Variants in EXOC6B observed in about 807,000 individuals in gnomAD.
The protein encoded by EXOC6B is exocyst complex component 6B.
In EXOC6B, 54 loss-of-function variants were observed where a neutral mutation model predicts 113.5. The observed-to-expected ratio is 0.48, with a 90% confidence interval of 0.38 to 0.60. The LOEUF (loss-of-function observed/expected upper bound fraction) is 0.60, where lower values mean the gene tolerates loss of function less well. Among genes scored for constraint, EXOC6B ranks in the 20% least tolerant of loss-of-function variants. EXOC6B has a pLI of 0.00. For synonymous variants in EXOC6B, 357 were observed against 339.0 expected, an observed-to-expected ratio of 1.05 and a Z score of -0.58; for missense variants, 797 against 977.5, an observed-to-expected ratio of 0.82 and a Z score of 2.46.
At chr2:72,400,075 A>G (rs1693037419) in intron 18 of EXOC6B, among the ~76,000 whole-genome samples, 1 of 152,146 alleles carries the variant, frequency 6.6e-6, no homozygotes, top group Non-Finnish European at 1.5e-5. Flanking sequence ...GTACTGGTAT[A>G]AAAATAGCCA....
At chr2:72,714,454 C>T (rs915475851) in intron 6 of EXOC6B, among the ~76,000 whole-genome samples, 3 of 152,130 alleles carry the variant, frequency 2.0e-5, no homozygotes, top group African/African-American at 7.2e-5. Context: ...CACTGGTATT[C>T]GCTTTCTGCT....
chr2:72,499,433 G>C (rs1055043119), intron 12 of EXOC6B, among the ~76,000 whole-genome samples: 1 of 151,588 alleles, frequency 6.6e-6, no homozygotes, highest in Non-Finnish European at 1.5e-5. Context: ...GTTTCACCAT[G>C]TTGGCCAGGC....
chr2:72,580,732 T>G (rs955774908), intron 6 of EXOC6B, among the ~76,000 whole-genome samples: 2 of 152,304 alleles, frequency 1.3e-5, no homozygotes, highest in South Asian at 2.1e-4. Flanking sequence ...CACTTCTTGC[T>G]GCCTGCCCTA....
rs573409449 is a variant in EXOC6B at position 72,682,455 on chromosome 2, CTTT to C, written c.669+35645_669+35647del. 3.0e-4 allele frequency among the ~76,000 whole-genome samples: 46 copies of C among 152,184 alleles called. 1 individual carries two copies. The highest frequency in any genetic ancestry group is 9.4e-4 in the African/African-American group (39 of 41,546). Reference sequence around the variant, plus strand: ...TTTATATTCTCTACCTCCTTTTCTTCTTTTTACCTTTTTTTAAATTCCCATCCC... The same window carrying C: ...TTTATATTCTCTACCTCCTTTTCTTCTTACCTTTTTTTAAATTCCCATCCC... On this transcript the variant is annotated intron_variant, in intron 6 of 21. Transcript: ENST00000272427.
intron 20 of EXOC6B, among the ~76,000 whole-genome samples, chr2:72,214,991 A>G (rs1300786574): frequency 6.6e-6 from 1 of 152,194 alleles, no homozygotes; most frequent in Non-Finnish European, 1.5e-5. Flanking sequence ...CTCTTTCACA[A>G]TGATCCATCT....
In EXOC6B at chr2:72,575,627, T is replaced by C. The variant is rs371088556; in HGVS notation, c.711A>G (p.Gln237=). Residue 237 remains glutamine (Q), a synonymous_variant, in exon 7 of 22, where the codon CAA becomes CAG. Transcript: ENST00000272427. The stretch of plus-strand genomic sequence containing the variant: ...ATTTCCTCTTGCTACCTATTCTGGG[T>C]TGTTGCAAGACGATGTTATCCAGGT... The part of the protein sequence containing the change: ...QRNLDNIVLQ[Q]PRIGSKRKSK... 8 of 1,606,572 alleles carry C rather than the reference T, an allele frequency of 5.0e-6. No homozygotes were observed. The highest frequency in any genetic ancestry group is 5.9e-6 in the Non-Finnish European group (7 of 1,177,174).
chr2:72,276,556 C>T lies in EXOC6B; in HGVS notation c.2196+58391G>A, dbSNP rs1008315225. ...TAGGACCAACTGACCCATTTTCCTA[C>T]TTAAAATCTCAAACTAGTGGCCTGA... On this transcript the variant is annotated intron_variant, in intron 20 of 21. Coordinates refer to ENST00000272427, the MANE Select transcript of EXOC6B (RefSeq NM_015189.3). Among the ~76,000 whole-genome samples, 15 of 152,286 alleles carry T rather than the reference C, an allele frequency of 9.8e-5. No homozygotes were observed. The East Asian group carries it at 2.7e-3, about 27-fold the overall frequency.
intron 1 of EXOC6B, among the ~76,000 whole-genome samples, chr2:72,747,325 G>A (rs901778847): frequency 6.6e-6 from 1 of 152,014 alleles, no homozygotes; most frequent in African/African-American, 2.4e-5. Context: ...GAGGATCCAA[G>A]AAAAGGTTTT....
At chr2:72,368,290 T>G (rs1035896318) in intron 19 of EXOC6B, among the ~76,000 whole-genome samples, 6 of 152,070 alleles carry the variant, frequency 3.9e-5, no homozygotes, top group Non-Finnish European at 8.8e-5. Context: ...CCTCGACACA[T>G]ACACACTCCC....
chr2:72,773,349 G>A (rs1404566996), intron 1 of EXOC6B, among the ~76,000 whole-genome samples: 1 of 150,694 alleles, frequency 6.6e-6, no homozygotes, highest in Non-Finnish European at 1.5e-5. Flanking sequence ...AGGTTGGTCA[G>A]GAACTCCTGG....
intron 6 of EXOC6B, among the ~76,000 whole-genome samples, chr2:72,608,615 T>C (rs1437049117): frequency 1.3e-5 from 2 of 152,154 alleles, no homozygotes; most frequent in African/African-American, 4.8e-5. Context: ...CTACTTTCCA[T>C]TCATGTTAGT....
chr2:72,740,946 C>A (rs1681275629), intron 2 of EXOC6B, among the ~76,000 whole-genome samples: 1 of 151,096 alleles, frequency 6.6e-6, no homozygotes, highest in South Asian at 2.1e-4. Flanking sequence ...ACTAAAAGTA[C>A]AAAAAAAATT....
At chr2:72,293,568 T>C (rs1685941249) in intron 20 of EXOC6B, among the ~76,000 whole-genome samples, 1 of 152,190 alleles carries the variant, frequency 6.6e-6, no homozygotes, top group Non-Finnish European at 1.5e-5. Flanking sequence ...GCTATGGATC[T>C]GAGATGGGCC....
At position 72,473,947 on chromosome 2, in the gene EXOC6B, G is replaced by A. The variant is rs560082461; in HGVS notation, c.1800+6669C>T. On this transcript the variant is annotated intron_variant, in intron 17 of 21. Coordinates refer to ENST00000272427, the MANE Select transcript of EXOC6B (RefSeq NM_015189.3). ...AGGAATTTATTGTAAGGCCAGTGTA[G>A]TGGTGATGAATTCTTTCAGCTTTTG... is the stretch of plus-strand genomic sequence containing the variant. Among the ~76,000 whole-genome samples the A allele has an allele frequency of 5.3e-5, 8 of 152,162 alleles. No individual in the cohort carries two copies. The South Asian group carries it at 8.3e-4, about 16-fold the overall frequency.
intron 8 of EXOC6B, among the ~76,000 whole-genome samples, chr2:72,527,600 G>A (rs1358486283): frequency 1.3e-5 from 2 of 151,856 alleles, no homozygotes; most frequent in African/African-American, 4.8e-5. Context: ...GCAACTGCAA[G>A]GTCATATGGA....
intron 19 of EXOC6B, among the ~76,000 whole-genome samples, chr2:72,341,889 A>ACCCAAATTTAACATGATT (rs1689051157): frequency 6.6e-6 from 1 of 152,188 alleles, no homozygotes; most frequent in Non-Finnish European, 1.5e-5. Context: ...AATCATCTTA[A>ACCCAAATTTAACATGATT]GTACCTTTTC....
At chr2:72,228,545 T>C (rs1442443268) in intron 20 of EXOC6B, among the ~76,000 whole-genome samples, 1 of 152,046 alleles carries the variant, frequency 6.6e-6, no homozygotes, top group Non-Finnish European at 1.5e-5. Flanking sequence ...GATAGTTTGC[T>C]GAGAATGATG....
intron 20 of EXOC6B, among the ~76,000 whole-genome samples, chr2:72,228,099 G>C (rs1681359175): frequency 6.6e-6 from 1 of 152,128 alleles, no homozygotes; most frequent in African/African-American, 2.4e-5. Flanking sequence ...ACCAGGAGAA[G>C]GATGTTTGGT....
intron 6 of EXOC6B, among the ~76,000 whole-genome samples, chr2:72,695,461 T>C (rs903361506): frequency 6.6e-6 from 1 of 152,146 alleles, no homozygotes; most frequent in Non-Finnish European, 1.5e-5. Flanking sequence ...TAAAAATATA[T>C]GAAAGTATTC....
Sources: allele counts gnomAD v4.1 joint callset (sites outside exome capture counted in the v4.1 genomes callset), GRCh38; gene constraint gnomAD v4.1.1; transcripts MANE v1.5; gene names NCBI Gene and HGNC (gene_info 2026-07-23, HGNC 2026-07-21).